SLC38A1: variants seen among roughly 807,000 people sequenced by gnomAD.
SLC38A1 encodes the protein sodium-coupled neutral amino acid symporter 1.
In SLC38A1, 18 loss-of-function variants were observed where a neutral mutation model predicts 60.3. The observed-to-expected ratio is 0.30, with a 90% CI of 0.21 to 0.44. The LOEUF (loss-of-function observed/expected upper bound fraction) is 0.44, where lower values mean the gene tolerates loss of function less well. Among genes scored for constraint, SLC38A1 ranks in the 20% least tolerant of loss-of-function variants. SLC38A1 has a pLI of 1.00. For missense variants in SLC38A1, 448 were observed against 587.2 expected (o/e 0.76, Z 2.45); for synonymous variants, 196 against 212.1 (o/e 0.92, Z 0.66).
At chr12:46,250,269 C>T (rs967238472) in intron 1 of SLC38A1, among the ~76,000 whole-genome samples, 1 of 152,138 alleles carries the variant, frequency 6.6e-6, no homozygotes, top group Non-Finnish European at 1.5e-5. Context: ...CAGAAAAGGC[C>T]TTCGACAAAA....
chr12:46,254,210 C>G (rs1211747315), intron 1 of SLC38A1, among the ~76,000 whole-genome samples: 1 of 152,176 alleles, frequency 6.6e-6, no homozygotes, highest in East Asian at 1.9e-4. Context: ...CAGATTTTTA[C>G]ATTACTCATC....
chr12:46,212,927 C>T (rs368520131), intron 5 of SLC38A1, among the ~76,000 whole-genome samples: 66 of 152,278 alleles, frequency 4.3e-4, no homozygotes, highest in African/African-American at 1.5e-3. Flanking sequence ...CCTTCTGGAC[C>T]TATTTGTATC....
intron 1 of SLC38A1, among the ~76,000 whole-genome samples, chr12:46,247,938 C>T (rs764882173): frequency 8.5e-5 from 13 of 152,124 alleles, no homozygotes; most frequent in African/African-American, 3.1e-4. Context: ...CGAAACTAAG[C>T]TTCATAAGTG....
intron 16 of SLC38A1, among the ~76,000 whole-genome samples, chr12:46,191,745 A>G (rs1029375225): frequency 2.0e-5 from 3 of 152,118 alleles, no homozygotes; most frequent in Non-Finnish European, 4.4e-5. Flanking sequence ...TTATTGGTGT[A>G]TAGGAATGGT....
intron 12 of SLC38A1, 80 bp downstream of exon 12, chr12:46,202,930 C>A: frequency 9.8e-7 from 1 of 1,025,174 alleles, no homozygotes; most frequent in Middle Eastern, 2.1e-4. Flanking sequence ...TTAGACAAGT[C>A]CGTTTATTTT....
chr12:46,215,687 T>C (rs527770261), intron 5 of SLC38A1, among the ~76,000 whole-genome samples: 1 of 152,314 alleles, frequency 6.6e-6, no homozygotes, highest in Admixed American at 6.5e-5. Flanking sequence ...GCAGGACATA[T>C]ATTTAAATTC....
chr12:46,196,409 T>A, intron 16 of SLC38A1: 1 of 1,220,576 alleles, frequency 8.2e-7, no homozygotes, highest in Non-Finnish European at 1.1e-6. Context: ...ACCCTACTAC[T>A]AGTTTCATTA....
rs566924134 is a variant in SLC38A1 at position 46,240,659 on chromosome 12, G to A, written c.-93-766C>T. Among the ~76,000 whole-genome samples, 5 of 152,254 alleles carry A rather than the reference G, an allele frequency of 3.3e-5. No homozygotes were observed. In the South Asian group the frequency reaches 8.3e-4, roughly 25 times the overall value. ...TCCTGGGATCAAGCACGCAACCCTG[G>A]TAGTCAACCAGTAAACAACAAATTT... is the stretch of plus-strand genomic sequence containing the variant. On this transcript the variant is annotated intron_variant, in intron 2 of 16. Transcript: ENST00000398637.
At chr12:46,207,448 T>G (rs1250847223) in intron 7 of SLC38A1, 81 bp downstream of exon 7, 2 of 1,362,898 alleles carry the variant, frequency 1.5e-6, no homozygotes, top group Non-Finnish European at 2.1e-6. Context: ...GATAACTGCT[T>G]GAATTATGTT....
intron 3 of SLC38A1, among the ~76,000 whole-genome samples, chr12:46,231,038 G>A (rs1941055830): frequency 6.6e-6 from 1 of 152,146 alleles, no homozygotes; most frequent in South Asian, 2.1e-4. Flanking sequence ...CAAAGTCATG[G>A]AATCAACCTA....
chr12:46,193,475 C>T (rs968627649), intron 16 of SLC38A1, among the ~76,000 whole-genome samples: 2 of 152,150 alleles, frequency 1.3e-5, no homozygotes, highest in Non-Finnish European at 2.9e-5. Flanking sequence ...AGTTCAAGTC[C>T]TGGATATCCT....
At chr12:46,245,214 T>G (rs1473690276) in intron 1 of SLC38A1, among the ~76,000 whole-genome samples, 1 of 152,232 alleles carries the variant, frequency 6.6e-6, no homozygotes, top group Non-Finnish European at 1.5e-5. Flanking sequence ...CATCATTGGT[T>G]TTTTATTGTG....
intron 1 of SLC38A1, among the ~76,000 whole-genome samples, chr12:46,264,912 T>A (rs973988): frequency 0.54 from 81,749 of 152,002 alleles, 22,120 homozygotes; most frequent in Non-Finnish European, 0.56. Flanking sequence ...CCACCTTTCA[T>A]AGATGTATAT....
At chr12:46,252,983 G>A (rs942418533) in intron 1 of SLC38A1, among the ~76,000 whole-genome samples, 4 of 143,614 alleles carry the variant, frequency 2.8e-5, no homozygotes, top group Non-Finnish European at 6.0e-5. Context: ...ATGTATACAT[G>A]GTATCTTTTT....
At chr12:46,212,758 T>G (rs551222595) in intron 5 of SLC38A1, among the ~76,000 whole-genome samples, 1 of 152,182 alleles carries the variant, frequency 6.6e-6, no homozygotes, top group Admixed American at 6.5e-5. Flanking sequence ...ACAGGAAACC[T>G]CTATGCTCCA....
chr12:46,262,637 C>G (rs1280993827), intron 1 of SLC38A1, among the ~76,000 whole-genome samples: 2 of 152,120 alleles, frequency 1.3e-5, no homozygotes, highest in African/African-American at 4.8e-5. Context: ...AAGATGGATA[C>G]AGTTTTGTGT....
rs760129356 is a variant in SLC38A1 at position 46,207,278 on chromosome 12, G to T, written c.482-42C>A. 6 of 1,506,768 alleles carry T rather than the reference G, an allele frequency of 4.0e-6. No homozygotes were observed. The African/African-American group carries it at 7.0e-5, about 18-fold the overall frequency. The allele number at this position is 1,506,768 out of a possible 1,614,324, so 93.3% of individuals were successfully genotyped here. ...ACATTTTTAGAAAGAAGATACGAAG[G>T]CTTATGTTGCAAGCTACATAAAAAG... On this transcript the variant is annotated intron_variant, in intron 7 of 16. Coordinates refer to ENST00000398637, the MANE Select transcript of SLC38A1 (RefSeq NM_030674.4).
chr12:46,238,445 A>G (rs1449839805), intron 3 of SLC38A1, among the ~76,000 whole-genome samples: 1 of 152,240 alleles, frequency 6.6e-6, no homozygotes, highest in Non-Finnish European at 1.5e-5. Context: ...AATGATTTCT[A>G]CAAAGATGCC....
At position 46,187,706 on chromosome 12, in the gene SLC38A1, CT is replaced by C. The variant is rs1938984469; in HGVS notation, c.*1263del. ...GAGACAGCACAGACACTGAGACCCC[CT>C]TGTCTTCCTCATCTGGGGGAAGGAA... is the stretch of plus-strand genomic sequence containing the variant. On this transcript the variant is annotated 3_prime_UTR_variant, in exon 17 of 17. Coordinates refer to ENST00000398637, the MANE Select transcript of SLC38A1 (RefSeq NM_030674.4). 1 of 151,762 alleles carries C rather than the reference CT, an allele frequency of 6.6e-6. No individual in the cohort carries two copies. The highest frequency in any genetic ancestry group is 1.5e-5 in the Non-Finnish European group (1 of 68,010). The allele number at this position is 151,762 out of a possible 1,614,324, so 9.4% of individuals were successfully genotyped here. A position where few individuals can be genotyped will look rare whatever the true frequency, so the allele number is the denominator to read the frequency against.
Sources: gnomAD v4.1 joint callset for allele counts (sites outside exome capture counted in the v4.1 genomes callset) on GRCh38, gnomAD v4.1.1 for gene constraint, MANE v1.5 for transcripts, NCBI Gene and HGNC (gene_info 2026-07-23, HGNC 2026-07-21) for gene names.